Variants in CENPW observed in about 807,000 individuals in gnomAD.
The protein encoded by CENPW is centromere protein W.
CENPW carries 3 observed loss-of-function variants against 11.1 expected under a neutral mutation model. The observed-to-expected ratio is 0.27, with a 90% CI of 0.12 to 0.70. The LOEUF is 0.70. Ranked by LOEUF, CENPW falls within the 30% of genes least tolerant of loss-of-function variation. The probability of loss-of-function intolerance (pLI) is 0.77; values close to 1 mark genes in which losing one functional copy is unlikely to be tolerated. For synonymous variants in CENPW, 38 were observed against 42.0 expected, an observed-to-expected ratio of 0.91 and a Z score of 0.37; for missense variants, 100 against 105.6, an observed-to-expected ratio of 0.95 and a Z score of 0.23.
intron 2 of CENPW, 117 bp downstream of exon 2, chr6:126,346,435 G>T: frequency 2.0e-6 from 1 of 507,106 alleles, no homozygotes; most frequent in Non-Finnish European, 3.5e-6. Flanking sequence ...TCGATATTTG[G>T]CCTTTTATGA....
chr6:126,385,727 C>T, the CENPW span, among the ~76,000 whole-genome samples: 1 of 152,002 alleles, frequency 6.6e-6, no homozygotes, highest in Non-Finnish European at 1.5e-5. Flanking sequence ...GGGCTCTTCC[C>T]CATTTGCTTG....
chr6:126,392,145 C>A, the CENPW span, among the ~76,000 whole-genome samples: 1 of 151,806 alleles, frequency 6.6e-6, no homozygotes, highest in South Asian at 2.1e-4. Context: ...TTTTCAATTT[C>A]TTCCATCAAT....
chr6:126,382,218 C>T, the CENPW span, among the ~76,000 whole-genome samples: 4 of 151,402 alleles, frequency 2.6e-5, no homozygotes, highest in South Asian at 4.2e-4. Flanking sequence ...GCCTGGGTGA[C>T]GAGCGAAAAT....
At chr6:126,405,026 A>G in the CENPW span, among the ~76,000 whole-genome samples, 1 of 151,996 alleles carries the variant, frequency 6.6e-6, no homozygotes, top group Non-Finnish European at 1.5e-5. Flanking sequence ...TCATTTATCT[A>G]TATTTGCTTT....
chr6:126,372,712 A>G, the CENPW span, among the ~76,000 whole-genome samples: 2 of 152,178 alleles, frequency 1.3e-5, no homozygotes, highest in Admixed American at 1.3e-4. Flanking sequence ...ATATTTTTTG[A>G]ACAAGCCTCC....
the CENPW span, among the ~76,000 whole-genome samples, chr6:126,358,455 A>T: frequency 6.6e-6 from 1 of 152,162 alleles, no homozygotes; most frequent in African/African-American, 2.4e-5. Context: ...TCTGCGTTCC[A>T]CTGAAATAAT....
At chr6:126,413,313 A>G in the CENPW span, among the ~76,000 whole-genome samples, 2 of 152,270 alleles carry the variant, frequency 1.3e-5, no homozygotes, top group African/African-American at 4.8e-5. Context: ...ACACAAAGGG[A>G]GAATTCTAAA....
At chr6:126,405,180 T>A in the CENPW span, among the ~76,000 whole-genome samples, 79 of 152,218 alleles carry the variant, frequency 5.2e-4, no homozygotes, top group African/African-American at 1.7e-3. Flanking sequence ...TTTTGTATAT[T>A]GTGAAAGATT....
chr6:126,353,665 T>G (rs1780516581), downstream of CENPW, among the ~76,000 whole-genome samples: 1 of 152,070 alleles, frequency 6.6e-6, no homozygotes, highest in Non-Finnish European at 1.5e-5. Context: ...TCTCTTTTCA[T>G]GTGTTGCTTC....
chr6:126,460,583 G>C, the CENPW span, among the ~76,000 whole-genome samples: 2 of 151,732 alleles, frequency 1.3e-5, no homozygotes, highest in Admixed American at 6.6e-5. Context: ...ACAGTGTATT[G>C]GTTTGTGTCC....
chr6:126,379,621 A>C, the CENPW span, among the ~76,000 whole-genome samples: 2 of 152,204 alleles, frequency 1.3e-5, no homozygotes, highest in Non-Finnish European at 2.9e-5. Flanking sequence ...AATATTTATC[A>C]GTGCTAAAGT....
At chr6:126,419,792 C>T in the CENPW span, among the ~76,000 whole-genome samples, 1 of 152,080 alleles carries the variant, frequency 6.6e-6, no homozygotes, top group Non-Finnish European at 1.5e-5. Flanking sequence ...CCAACTTATG[C>T]CCTCATCATC....
the CENPW span, among the ~76,000 whole-genome samples, chr6:126,439,790 T>C: frequency 6.6e-6 from 1 of 151,590 alleles, no homozygotes; most frequent in African/African-American, 2.4e-5. Context: ...CCAAATTCTA[T>C]AGCCAAGATC....
At chr6:126,448,674 G>A in the CENPW span, among the ~76,000 whole-genome samples, 2 of 150,894 alleles carry the variant, frequency 1.3e-5, no homozygotes. Flanking sequence ...CTAGGGTCAA[G>A]GAAGCATCCA....
At chr6:126,398,563 A>C in the CENPW span, among the ~76,000 whole-genome samples, 2 of 152,050 alleles carry the variant, frequency 1.3e-5, no homozygotes, top group African/African-American at 4.8e-5. Flanking sequence ...TACTTATACT[A>C]TCTAATACAA....
chr6:126,409,285 G>A, the CENPW span, among the ~76,000 whole-genome samples: 2 of 152,154 alleles, frequency 1.3e-5, no homozygotes, highest in Non-Finnish European at 2.9e-5. Flanking sequence ...TACAAGAAAA[G>A]ATACTTGATA....
the CENPW span, among the ~76,000 whole-genome samples, chr6:126,412,659 C>G: frequency 6.6e-6 from 1 of 152,144 alleles, no homozygotes; most frequent in African/African-American, 2.4e-5. Flanking sequence ...TCTCTCCTCT[C>G]CTTCTGGTTA....
chr6:126,462,816 C>T, the CENPW span, among the ~76,000 whole-genome samples: 12 of 151,970 alleles, frequency 7.9e-5, no homozygotes, highest in South Asian at 2.1e-4. Context: ...CTTGAAAGGA[C>T]GAGTGCTTGT....
At chr6:126,432,664 C>G in the CENPW span, among the ~76,000 whole-genome samples, 1 of 152,140 alleles carries the variant, frequency 6.6e-6, no homozygotes, top group East Asian at 1.9e-4. Flanking sequence ...GTCTATGGAC[C>G]TGATTCTCAT....
Sources: allele counts gnomAD v4.1 joint callset (sites outside exome capture counted in the v4.1 genomes callset), GRCh38; gene constraint gnomAD v4.1.1; transcripts MANE v1.5; gene names NCBI Gene and HGNC (gene_info 2026-07-23, HGNC 2026-07-21).